PZP: variants seen among roughly 807,000 people sequenced by gnomAD.
The protein encoded by PZP is pregnancy zone protein.
In PZP, 150 loss-of-function variants were observed where a neutral mutation model predicts 179.8. The ratio of observed to expected loss-of-function variants is 0.83; its 90% CI spans 0.73 to 0.96. The LOEUF (loss-of-function observed/expected upper bound fraction) is 0.96, where lower values mean the gene tolerates loss of function less well. Among genes scored for constraint, PZP ranks in the 40% least tolerant of loss-of-function variants. The pLI is 0.00. For synonymous variants in PZP, 624 were observed against 652.3 expected, an observed-to-expected ratio of 0.96 and a Z score of 0.66; for missense variants, 1,689 against 1,764.0, an observed-to-expected ratio of 0.96 and a Z score of 0.76.
At position 9,157,771 on chromosome 12, in the gene PZP, A is replaced by T; in HGVS notation, c.3365T>A (p.Val1122Asp). ...TGGGATTGAGCTGGTACCTACAGTGACTGGGAGAGGAATTTCCAGAAGGGC... is the reference window on the plus strand; with the variant it reads ...TGGGATTGAGCTGGTACCTACAGTGTCTGGGAGAGGAATTTCCAGAAGGGC... ...TIALLEIPLP[V>D]TNPIVRNALF... The change falls in exon 27 of 36, where the codon GTC becomes GAC. Residue 1122 changes from valine to aspartate, a missense_variant. Physicochemically the swap from Val to Asp is radical, Grantham distance 152 (BLOSUM62 -3). Transcript: ENST00000261336. 6.2e-7 allele frequency: 1 copy of T among 1,613,640 alleles called. No individual in the cohort carries two copies.
chr12:9,168,858 T>A lies in PZP; in HGVS notation c.2107+11A>T, dbSNP rs767407591. 5 of 1,584,880 alleles carry A rather than the reference T, an allele frequency of 3.2e-6. No individual in the cohort carries two copies. Among genetic ancestry groups the A allele is most frequent in the Non-Finnish European group, 8.7e-7 (1 of 1,155,218 alleles). ...ACATGAAATAAAATTAAAAGCAAAT[T>A]GCTGTTTTACCTCCATAGTATCCTT... is the stretch of plus-strand genomic sequence containing the variant. On this transcript the variant is annotated intron_variant, in intron 17 of 35. Transcript: ENST00000261336.
At chr12:9,140,521 T>C in the PZP span, among the ~76,000 whole-genome samples, 29 of 152,324 alleles carry the variant, frequency 1.9e-4, no homozygotes, top group Non-Finnish European at 3.4e-4. Flanking sequence ...GTAGGAATGG[T>C]TTGCATTATT....
chr12:9,190,244 A>C (rs1204721390), intron 13 of PZP, among the ~76,000 whole-genome samples: 1 of 152,210 alleles, frequency 6.6e-6, no homozygotes, highest in African/African-American at 2.4e-5. Context: ...ACATGGAATC[A>C]ACCTAAATGC....
chr12:9,143,987 A>G (rs1296790889), downstream of PZP, among the ~76,000 whole-genome samples: 2 of 152,204 alleles, frequency 1.3e-5, no homozygotes, highest in Non-Finnish European at 2.9e-5. Context: ...TGTCCCCAAG[A>G]TTTCTTCTAG....
downstream of PZP, among the ~76,000 whole-genome samples, chr12:9,144,162 A>AG (rs1939881896): frequency 2.0e-5 from 3 of 152,114 alleles, no homozygotes; most frequent in African/African-American, 7.2e-5. Context: ...GAGCCACATG[A>AG]GGAAGAGAGA....
At chr12:9,161,568 A>G (rs1333437883) in intron 22 of PZP, among the ~76,000 whole-genome samples, 3 of 152,170 alleles carry the variant, frequency 2.0e-5, no homozygotes, top group Non-Finnish European at 4.4e-5. Flanking sequence ...TAGTGGGGGA[A>G]CTATCGCTCT....
intron 10 of PZP, among the ~76,000 whole-genome samples, chr12:9,195,392 CT>C (rs1221271549): frequency 6.6e-6 from 1 of 151,794 alleles, no homozygotes; most frequent in East Asian, 1.9e-4. Context: ...TCCCCTTCCC[CT>C]GGCCCTTCCC....
Position 9,181,046 on chromosome 12 carries a change from G to A in PZP, c.1776C>T (p.Ala592=). Residue 592 remains alanine, a synonymous_variant, in exon 15 of 36, where the codon GCC becomes GCT. Transcript: ENST00000261336. ...GCACACTTTGGTCCACAGCACGAAGGGCACAGAGGGACTGCGGAGCAGCTG... is the reference window on the plus strand; with the variant it reads ...GCACACTTTGGTCCACAGCACGAAGAGCACAGAGGGACTGCGGAGCAGCTG... ...QVAAAPQSLC[A]LRAVDQSVLL... The A allele has an allele frequency of 6.2e-7, 1 of 1,614,194 alleles. No homozygotes were observed. The highest frequency in any genetic ancestry group is 8.5e-7 in the Non-Finnish European group (1 of 1,180,026).
At position 9,160,438 on chromosome 12, in the gene PZP, T is replaced by C. The variant is rs778594485; in HGVS notation, c.2925A>G (p.Pro975=). The C allele has an allele frequency of 3.1e-6, 5 of 1,614,042 alleles. No homozygotes were observed. The highest frequency in any genetic ancestry group is 1.6e-4 in the Middle Eastern group (1 of 6,062). Residue 975 remains proline (P), a synonymous_variant, in exon 24 of 36, where the codon CCA becomes CCG. Transcript: ENST00000261336. ...CCATGTTCTGTTCTCCACAGCCATA[T>C]GGCATCTGGAGGAGATTTTGTATAT... The part of the protein sequence containing the change: ...MQNIQNLLQM[P]YGCGEQNMVL...
At chr12:9,146,961 C>T (rs1940042650), downstream of PZP, among the ~76,000 whole-genome samples, 2 of 152,026 alleles carry the variant, frequency 1.3e-5, no homozygotes, top group Admixed American at 1.3e-4. Flanking sequence ...TTAAAAAAAT[C>T]CATTTACTGT....
rs5796342 is a variant in PZP, at chr12:9,194,462, G to GT, written c.1093-225dup. On this transcript the variant is annotated intron_variant, in intron 10 of 35. Transcript: ENST00000261336. The stretch of plus-strand genomic sequence containing the variant: ...GTAGTATTTCCAGTAAAGTCAGGGA[G>GT]TTTTTTTTTTTTTTTTTTTTGAGAC... Among the ~76,000 whole-genome samples the GT allele has an allele frequency of 2.7e-3, 248 of 90,766 alleles. 3 individuals are homozygous for GT. The highest frequency in any genetic ancestry group is 0.016 in the Middle Eastern group (3 of 188). 59.5% of individuals were successfully genotyped at this position (90,766 alleles called of 152,430 possible).
At chr12:9,187,942 C>A (rs1254680465) in intron 13 of PZP, among the ~76,000 whole-genome samples, 7 of 152,226 alleles carry the variant, frequency 4.6e-5, no homozygotes, top group African/African-American at 1.4e-4. Flanking sequence ...AGCCTGAAAA[C>A]CCTGATGGGG....
chr12:9,157,969 C>T (rs4882981), intron 26 of PZP, 128 bp from the exon 27 acceptor site: 503,782 of 801,418 alleles, frequency 0.63, 161,790 homozygotes, highest in East Asian at 0.9. Flanking sequence ...CTCTCTCTCT[C>T]TCTCGACAGG....
intron 25 of PZP, 102 bp from the exon 26 acceptor site, chr12:9,158,678 A>G: frequency 8.7e-7 from 1 of 1,153,932 alleles, no homozygotes; most frequent in Non-Finnish European, 1.2e-6. Context: ...CACCCAAGAA[A>G]GTCAATCAGC....
At position 9,199,509 on chromosome 12, in the gene PZP, A is replaced by G. The variant is rs184156939; in HGVS notation, c.755+855T>C. ...AACAATTGTTCTATCAAAAAGATCA[A>G]TGTAAAACATTCAATGTATCCTCTT... On this transcript the variant is annotated intron_variant, in intron 7 of 35. Coordinates refer to ENST00000261336, the MANE Select transcript of PZP (RefSeq NM_002864.3). Among the ~76,000 whole-genome samples, 7 of 152,304 alleles carry G rather than the reference A, an allele frequency of 4.6e-5. No individual in the cohort carries two copies. In the East Asian group the frequency reaches 1.2e-3, roughly 25 times the overall value.
At position 9,165,158 on chromosome 12, in the gene PZP, T is replaced by C; in HGVS notation, c.2468A>G (p.Tyr823Cys). 6.2e-7 allele frequency: 1 copy of C among 1,613,940 alleles called. No individual in the cohort carries two copies. Among genetic ancestry groups the C allele is most frequent in the East Asian group, 2.2e-5 (1 of 44,886 alleles). ...CCTTACCCGGATGCATTTGGGAAGG[T>C]AGTTTAGGACCGTGGCCTTGAGTGT... ...VFTLKATVLN[Y>C]LPKCIRVSVQ... is the part of the protein sequence containing the mutation. Residue 823 changes from tyrosine to cysteine, a missense_variant, in exon 19 of 36, where the codon TAC becomes TGC. Coordinates refer to ENST00000261336, the MANE Select transcript of PZP (RefSeq NM_002864.3).
chr12:9,148,716 T>C (rs1415329256), downstream of PZP: 10 of 419,710 alleles, frequency 2.4e-5, no homozygotes, highest in Non-Finnish European at 4.2e-5. Flanking sequence ...ACCTCCACTC[T>C]GCTTTCCTAC....
At chr12:9,156,130 T>C in intron 28 of PZP, 1 of 222,614 alleles carries the variant, frequency 4.5e-6, no homozygotes, top group Non-Finnish European at 9.3e-6. Context: ...TCTCTGTTCT[T>C]TAAGTTTGTC....
intron 1 of PZP, among the ~76,000 whole-genome samples, 196 bp from the exon 2 acceptor site, chr12:9,204,147 C>T (rs761784961): frequency 6.6e-6 from 1 of 152,284 alleles, no homozygotes; most frequent in African/African-American, 2.4e-5. Context: ...ATGCCTCAGC[C>T]ACACAATCTG....
Sources: allele counts gnomAD v4.1 joint callset (sites outside exome capture counted in the v4.1 genomes callset), GRCh38; gene constraint gnomAD v4.1.1; transcripts MANE v1.5; gene names NCBI Gene and HGNC (gene_info 2026-07-23, HGNC 2026-07-21).